The following GSK3B variants were observed in gnomAD, a reference collection of about 807,000 sequenced individuals.
GSK3B encodes the protein glycogen synthase kinase 3 beta.
GSK3B carries 15 observed loss-of-function variants against 56.4 expected under a neutral mutation model. The observed-to-expected ratio is 0.27, with a 90% confidence interval of 0.18 to 0.41. GSK3B has a LOEUF of 0.41. Ranked by LOEUF, GSK3B falls within the 10% of genes least tolerant of loss-of-function variation. The pLI, the probability that GSK3B is intolerant of heterozygous loss-of-function variation, is 1.00. For synonymous variants in GSK3B, 181 were observed against 188.9 expected, an observed-to-expected ratio of 0.96 and a Z score of 0.34; for missense variants, 300 against 513.4, an observed-to-expected ratio of 0.58 and a Z score of 4.02.
chr3:119,866,608 A>T (rs34009575), intron 8 of GSK3B: 462 of 1,605,256 alleles, frequency 2.9e-4, no homozygotes, highest in Non-Finnish European at 3.6e-4. Context: ...CTGAGGTGAA[A>T]TGTCCTGTTC....
chr3:120,004,070 G>T (rs866018766), intron 1 of GSK3B, among the ~76,000 whole-genome samples: 2 of 152,196 alleles, frequency 1.3e-5, no homozygotes, highest in Admixed American at 6.5e-5. Context: ...AATGCTCTTC[G>T]CAACAGGCAG....
intron 9 of GSK3B, among the ~76,000 whole-genome samples, chr3:119,858,254 T>C (rs1399876298): frequency 1.3e-5 from 2 of 152,228 alleles, no homozygotes. Context: ...TTCTCCTCTC[T>C]AGCTAAGAAG....
At chr3:119,985,339 C>T (rs1168383858) in intron 2 of GSK3B, among the ~76,000 whole-genome samples, 4 of 152,118 alleles carry the variant, frequency 2.6e-5, no homozygotes, top group Admixed American at 6.6e-5. Context: ...CTGGTCAGGG[C>T]AATCAGGCAA....
intron 1 of GSK3B, among the ~76,000 whole-genome samples, chr3:120,071,877 T>C (rs893587748): frequency 2.6e-5 from 4 of 152,204 alleles, no homozygotes; most frequent in South Asian, 2.1e-4. Flanking sequence ...AACCCAGATA[T>C]ACTCTTTTAA....
chr3:120,036,566 G>A (rs2058024793), intron 1 of GSK3B, among the ~76,000 whole-genome samples: 1 of 152,072 alleles, frequency 6.6e-6, no homozygotes, highest in Non-Finnish European at 1.5e-5. Flanking sequence ...GCCAAGGTGG[G>A]CAGATCACTT....
intron 1 of GSK3B, among the ~76,000 whole-genome samples, chr3:120,087,525 C>A (rs2058474630): frequency 6.7e-6 from 1 of 150,352 alleles, no homozygotes; most frequent in South Asian, 2.1e-4. Context: ...GTGCGAGACT[C>A]CATCTCAAAA....
intron 1 of GSK3B, among the ~76,000 whole-genome samples, chr3:120,044,016 A>C (rs930770954): frequency 1.2e-4 from 18 of 152,266 alleles, no homozygotes; most frequent in Admixed American, 9.2e-4. Flanking sequence ...ATTAAACAAA[A>C]GCAATTGTTA....
chr3:119,886,866 G>A (rs1485391792), intron 7 of GSK3B, among the ~76,000 whole-genome samples: 1 of 152,048 alleles, frequency 6.6e-6, no homozygotes, highest in Non-Finnish European at 1.5e-5. Context: ...AGGACAACCA[G>A]AGCAGGAAAG....
chr3:119,995,343 AAAT>A (rs1183919665), intron 2 of GSK3B, among the ~76,000 whole-genome samples: 2 of 152,028 alleles, frequency 1.3e-5, no homozygotes, highest in African/African-American at 4.8e-5. Context: ...AAAAAAATAA[AAAT>A]AATATATATA....
At chr3:119,996,295 C>T (rs1314613092) in intron 2 of GSK3B, among the ~76,000 whole-genome samples, 1 of 152,104 alleles carries the variant, frequency 6.6e-6, no homozygotes, top group Non-Finnish European at 1.5e-5. Context: ...GAAAAAAGGA[C>T]AAAAATCATA....
rs559028244 is a variant in GSK3B, at chr3:120,057,407, C to T, written c.88+35940G>A. Reference sequence around the variant, plus strand: ...TACTCTTCAACCAACCAACTCTATCCTAATCAGATAAGAACATAGGTAAAG... The same window carrying T: ...TACTCTTCAACCAACCAACTCTATCTTAATCAGATAAGAACATAGGTAAAG... On this transcript the variant is annotated intron_variant, in intron 1 of 10. Transcript: ENST00000264235. 1.6e-4 allele frequency among the ~76,000 whole-genome samples: 25 copies of T among 152,238 alleles called. No individual in the cohort carries two copies. In the East Asian group the frequency reaches 3.9e-3, roughly 24 times the overall value.
chr3:119,898,838 G>C (rs994698904), intron 7 of GSK3B, among the ~76,000 whole-genome samples: 2 of 151,824 alleles, frequency 1.3e-5, no homozygotes, highest in Non-Finnish European at 2.9e-5. Context: ...CACAGTAAGA[G>C]ATTAAAAGCA....
chr3:120,086,195 GA>G (rs554976616), intron 1 of GSK3B, among the ~76,000 whole-genome samples: 54 of 134,922 alleles, frequency 4.0e-4, no homozygotes, highest in East Asian at 1.3e-3. Context: ...TACTAAGGAG[GA>G]AAAAAAAAAA....
chr3:119,932,247 G>A (rs922579395), intron 3 of GSK3B, among the ~76,000 whole-genome samples: 2 of 152,214 alleles, frequency 1.3e-5, no homozygotes, highest in Admixed American at 6.5e-5. Flanking sequence ...ATTCTCATCA[G>A]AATTGGACTG....
rs1417827843 is a variant in GSK3B at position 119,821,826 on chromosome 3, A to G, written c.*4962T>C. 1.8e-5 allele frequency: 3 copies of G among 168,536 alleles called. No homozygotes were observed. Among genetic ancestry groups the G allele is most frequent in the Admixed American group, 6.4e-5 (1 of 15,682 alleles). 10.4% of individuals were successfully genotyped at this position (168,536 alleles called of 1,614,324 possible). A position where few individuals can be genotyped will look rare whatever the true frequency, so the allele number is the denominator to read the frequency against. ...AAGTGGTATTGATATCTTGTTCTGT[A>G]TAACAAAGATTAATGTTTCCCTAAT... On this transcript the variant is annotated 3_prime_UTR_variant, in exon 11 of 11. Transcript: ENST00000264235.
rs1470720718 is a variant in GSK3B at position 119,822,160 on chromosome 3, T to C, written c.*4628A>G. 1 of 193,040 alleles carries C rather than the reference T, an allele frequency of 5.2e-6. No homozygotes were observed. Among genetic ancestry groups the C allele is most frequent in the Non-Finnish European group, 1.1e-5 (1 of 93,166 alleles). The allele number at this position is 193,040 out of a possible 1,614,324, so 12.0% of individuals were successfully genotyped here. On this transcript the variant is annotated 3_prime_UTR_variant, in exon 11 of 11. Transcript: ENST00000264235. ...CACAGAGGCATTCAAGTAGTAATAA[T>C]GTTATACAGATTTTGCTTTTCCTTT...
chr3:119,855,942 C>T (rs540559321), intron 9 of GSK3B, among the ~76,000 whole-genome samples: 49 of 152,244 alleles, frequency 3.2e-4, no homozygotes, highest in Admixed American at 1.2e-3. Flanking sequence ...CAAACCTGCA[C>T]GTTGTGCACA....
chr3:119,858,711 T>C (rs2056057036), intron 9 of GSK3B, among the ~76,000 whole-genome samples: 1 of 152,226 alleles, frequency 6.6e-6, no homozygotes, highest in Admixed American at 6.5e-5. Flanking sequence ...TTGGCCTATC[T>C]CAGCTGTTGA....
chr3:119,982,319 C>A (rs1185304772), intron 2 of GSK3B, among the ~76,000 whole-genome samples: 1 of 152,178 alleles, frequency 6.6e-6, no homozygotes, highest in East Asian at 1.9e-4. Flanking sequence ...CAAAGGATGG[C>A]AGCTCCTCGC....
Sources: allele counts gnomAD v4.1 joint callset (sites outside exome capture counted in the v4.1 genomes callset), GRCh38; gene constraint gnomAD v4.1.1; transcripts MANE v1.5; gene names NCBI Gene and HGNC (gene_info 2026-07-23, HGNC 2026-07-21).